The following ITGA2 variants were observed in gnomAD, a reference collection of about 807,000 sequenced individuals.
The protein encoded by ITGA2 is integrin alpha-2.
A neutral mutation model predicts 146.3 loss-of-function variants in ITGA2; 101 were observed. The observed-to-expected ratio is 0.69, with a 90% confidence interval of 0.59 to 0.81. The LOEUF (loss-of-function observed/expected upper bound fraction) is 0.81. Ranked by LOEUF, ITGA2 falls within the 40% of genes least tolerant of loss-of-function variation. The pLI is 0.00. For missense variants in ITGA2, 1,281 were observed against 1,402.7 expected, an observed-to-expected ratio of 0.91 and a Z score of 1.39; for synonymous variants, 477 against 487.1, an observed-to-expected ratio of 0.98 and a Z score of 0.27.
intron 1 of ITGA2, among the ~76,000 whole-genome samples, chr5:53,011,003 T>C (rs1742097863): frequency 1.3e-5 from 2 of 152,188 alleles, no homozygotes; most frequent in South Asian, 4.2e-4. Context: ...AGTTAAGGAA[T>C]GCTCACAGCC....
Position 53,066,116 on chromosome 5 carries a change from A to G in ITGA2, c.1943+139A>G, listed in dbSNP as rs910856218. 5 of 853,608 alleles carry G rather than the reference A, an allele frequency of 5.9e-6. No homozygotes were observed. In the African/African-American group the frequency reaches 8.4e-5, roughly 14 times the overall value. 52.9% of individuals were successfully genotyped at this position (853,608 alleles called of 1,614,324 possible). On this transcript the variant is annotated intron_variant, in intron 15 of 29. Coordinates refer to ENST00000296585, the MANE Select transcript of ITGA2 (RefSeq NM_002203.4). Reference sequence around the variant, plus strand: ...GAATCGATGTATCATAGTTTGCACAAAGGAATAAATGTGTTTTTCCAAGTA... The same window carrying G: ...GAATCGATGTATCATAGTTTGCACAGAGGAATAAATGTGTTTTTCCAAGTA...
chr5:53,042,157 G>T lies in ITGA2; in HGVS notation c.231G>T (p.Met77Ile). The T allele has an allele frequency of 6.2e-7, 1 of 1,613,444 alleles. No homozygotes were observed. Among genetic ancestry groups the T allele is most frequent in the Non-Finnish European group, 8.5e-7 (1 of 1,179,418 alleles). ...GGAGTGGCTTTCCTGAGAACCGAAT[G>T]GGAGATGTGTATAAATGTCCTGTTG... is the stretch of plus-strand genomic sequence containing the variant. Reference protein sequence around the residue: ...SPWSGFPENRMGDVYKCPVDL... With the variant: ...SPWSGFPENRIGDVYKCPVDL... Residue 77 changes from methionine to isoleucine, a missense_variant, in exon 3 of 30, where the codon ATG (methionine) becomes ATT (isoleucine). Around this residue, in one of 3 missense-constraint regions of ITGA2, gnomAD observed 795 missense variants for 841.7 expected, o/e 0.94. Coordinates refer to ENST00000296585, the MANE Select transcript of ITGA2 (RefSeq NM_002203.4).
At chr5:53,059,409 C>T (rs546222512) in intron 10 of ITGA2, among the ~76,000 whole-genome samples, 2 of 152,014 alleles carry the variant, frequency 1.3e-5, no homozygotes, top group South Asian at 4.1e-4. Context: ...GCCTCCCGAG[C>T]CGTGTCTGGG....
At chr5:52,995,992 A>C (rs1219790401) in intron 1 of ITGA2, among the ~76,000 whole-genome samples, 1 of 152,246 alleles carries the variant, frequency 6.6e-6, no homozygotes, top group Non-Finnish European at 1.5e-5. Flanking sequence ...CAACTTCTTC[A>C]AAGAAGTCAA....
intron 1 of ITGA2, among the ~76,000 whole-genome samples, chr5:53,007,283 A>G (rs1373021376): frequency 2.0e-5 from 3 of 152,284 alleles, no homozygotes; most frequent in Non-Finnish European, 4.4e-5. Flanking sequence ...GAAGAAAGGT[A>G]TGCACAGGCT....
At chr5:53,083,000 T>TG (rs1004998792) in intron 26 of ITGA2, among the ~76,000 whole-genome samples, 32 of 137,916 alleles carry the variant, frequency 2.3e-4, no homozygotes, top group South Asian at 1.6e-3. Context: ...GTTACAGTTT[T>TG]GGGGGGGGTT....
Position 53,036,833 on chromosome 5 carries a change from G to A in ITGA2, c.186-5279G>A, listed in dbSNP as rs112354361. 1.6e-4 allele frequency among the ~76,000 whole-genome samples: 24 copies of A among 152,232 alleles called. No individual in the cohort carries two copies. The South Asian group carries it at 4.1e-3, about 26-fold the overall frequency. ...GGTACATAATAGGTCTGGCCACCAC[G>A]TATAGACTCACAGATTGTATACTGC... On this transcript the variant is annotated intron_variant, in intron 2 of 29. Coordinates refer to ENST00000296585, the MANE Select transcript of ITGA2 (RefSeq NM_002203.4).
rs1339240512 is a variant in ITGA2 at position 53,074,482 on chromosome 5, A to C, written c.2664+5A>C. 6.2e-7 allele frequency: 1 copy of C among 1,608,584 alleles called. No homozygotes were observed. The highest frequency in any genetic ancestry group is 1.3e-5 in the African/African-American group (1 of 74,702). On this transcript the variant is annotated splice_donor_5th_base_variant and intron_variant, in intron 21 of 29. Transcript: ENST00000296585. ...GCTTTAAAGAGAGAACAACAGGTACAACTTGCATTTCATCCTCCAATCCAT... is the reference window on the plus strand; with the variant it reads ...GCTTTAAAGAGAGAACAACAGGTACCACTTGCATTTCATCCTCCAATCCAT...
rs1742161031 is a variant in ITGA2, at chr5:53,012,052, G to A, written c.65-14696G>A. Among the ~76,000 whole-genome samples the A allele has an allele frequency of 2.0e-5, 3 of 152,134 alleles. No homozygotes were observed. The South Asian group carries it at 6.2e-4, about 32-fold the overall frequency. ...GGGAGCAGTAAAGGGTTATTTATAT[G>A]TAAAATATCATTATAGTCTTAGGAA... On this transcript the variant is annotated intron_variant, in intron 1 of 29. Transcript: ENST00000296585.
intron 26 of ITGA2, among the ~76,000 whole-genome samples, chr5:53,082,422 A>G (rs989834360): frequency 6.6e-6 from 1 of 152,204 alleles, no homozygotes; most frequent in Admixed American, 6.5e-5. Flanking sequence ...ATGTGTATTA[A>G]TCTACAAGTA....
In ITGA2 at chr5:52,989,380, T is replaced by C; in HGVS notation, c.-89T>C. 7.5e-7 allele frequency: 1 copy of C among 1,335,456 alleles called. No homozygotes were observed. The highest frequency in any genetic ancestry group is 2.3e-5 in the East Asian group (1 of 43,402). The allele number at this position is 1,335,456 out of a possible 1,614,324, so 82.7% of individuals were successfully genotyped here. The stretch of plus-strand genomic sequence containing the variant: ...GAAGCCCTCTGGACAGCTTCTAGAG[T>C]GTGCAGGTTCTCGTATCCCTCGGCC... On this transcript the variant is annotated 5_prime_UTR_variant, in exon 1 of 30. Coordinates refer to ENST00000296585, the MANE Select transcript of ITGA2 (RefSeq NM_002203.4).
intron 1 of ITGA2, among the ~76,000 whole-genome samples, chr5:53,016,139 T>C (rs1457296225): frequency 6.6e-6 from 1 of 152,210 alleles, no homozygotes; most frequent in African/African-American, 2.4e-5. Flanking sequence ...AGTTAGCTGA[T>C]TGTTATACAG....
chr5:53,084,080 A>T (rs1746043795), intron 27 of ITGA2, among the ~76,000 whole-genome samples: 1 of 152,188 alleles, frequency 6.6e-6, no homozygotes, highest in Admixed American at 6.5e-5. Flanking sequence ...TCCATATGGC[A>T]ACTGTGAGTC....
intron 2 of ITGA2, among the ~76,000 whole-genome samples, chr5:53,027,546 A>G (rs1485580529): frequency 1.3e-5 from 2 of 152,198 alleles, no homozygotes; most frequent in African/African-American, 4.8e-5. Context: ...ATACTAATGC[A>G]AGTGAACCCA....
In ITGA2 at chr5:53,055,646, T is replaced by G. The variant is rs1386563294; in HGVS notation, c.888T>G (p.Ile296Met). The change falls in exon 8 of 30, where the codon ATT becomes ATG. Residue 296 changes from isoleucine (I) to methionine (M), a missense_variant. Physicochemically the swap from Ile to Met is conservative, Grantham distance 10. Transcript: ENST00000296585. ...SHDGSMLKAV[I>M]DQCNHDNILR... ...ATGGTTCAATGTTGAAAGCTGTGAT[T>G]GATCAATGCAACCATGACAATATAC... The G allele has an allele frequency of 1.2e-6, 2 of 1,613,274 alleles. No individual in the cohort carries two copies. The highest frequency in any genetic ancestry group is 3.3e-5 in the Admixed American group (2 of 59,946).
At chr5:53,048,814 T>C in intron 6 of ITGA2, 44 bp downstream of exon 6, 1 of 1,602,362 alleles carries the variant, frequency 6.2e-7, no homozygotes, top group Non-Finnish European at 8.5e-7. Context: ...GCTTTCTTTC[T>C]GAAAAAAATA....
At chr5:53,064,823 G>A in intron 13 of ITGA2, 89 bp from the exon 14 acceptor site, 1 of 1,263,248 alleles carries the variant, frequency 7.9e-7, no homozygotes, top group South Asian at 1.2e-5. Flanking sequence ...GGGATTACAG[G>A]CATGAGCCAC....
At chr5:53,002,181 T>C (rs1741615605) in intron 1 of ITGA2, among the ~76,000 whole-genome samples, 1 of 152,102 alleles carries the variant, frequency 6.6e-6, no homozygotes, top group Non-Finnish European at 1.5e-5. Context: ...TCTAAAATTT[T>C]AATTTTATAG....
chr5:53,079,069 G>A (rs965895953), intron 24 of ITGA2, among the ~76,000 whole-genome samples, 195 bp downstream of exon 24: 1 of 152,146 alleles, frequency 6.6e-6, no homozygotes, highest in Admixed American at 6.6e-5. Context: ...TTCTGATTCA[G>A]TAGGTCTAGG....
Sources: gnomAD v4.1 joint callset for allele counts (sites outside exome capture counted in the v4.1 genomes callset) on GRCh38, gnomAD v4.1.1 for gene constraint, gnomAD v4.1.1 regional missense constraint, MANE v1.5 for transcripts, NCBI Gene and HGNC (gene_info 2026-07-23, HGNC 2026-07-21) for gene names.